Variants in MROH9 observed in about 807,000 individuals in gnomAD.
The protein encoded by MROH9 is maestro heat-like repeat-containing protein family member 9.
MROH9 carries 92 observed loss-of-function variants against 98.2 expected under a neutral mutation model. The ratio of observed to expected loss-of-function variants is 0.94; its 90% CI spans 0.79 to 1.11. The LOEUF (loss-of-function observed/expected upper bound fraction) is 1.11. Among genes scored for constraint, MROH9 ranks in the 50% most tolerant of loss-of-function variants. MROH9 has a pLI of 0.00. For missense variants in MROH9, 1,057 were observed against 1,014.8 expected (o/e 1.04, Z -0.57); for synonymous variants, 397 against 368.9 (o/e 1.08, Z -0.87).
At chr1:170,964,978 T>C (rs1052264429) in intron 6 of MROH9, among the ~76,000 whole-genome samples, 173 bp from the exon 7 acceptor site, 1 of 152,028 alleles carries the variant, frequency 6.6e-6, no homozygotes, top group Non-Finnish European at 1.5e-5. Flanking sequence ...CCATAGTAGA[T>C]GAAGTAGTAT....
intron 15 of MROH9, among the ~76,000 whole-genome samples, chr1:171,013,870 TACATACAC>T (rs765167635): frequency 2.9e-5 from 2 of 68,572 alleles, no homozygotes; most frequent in African/African-American, 6.4e-5. Context: ...AAATGTAAAA[TACATACAC>T]ACACACACAC....
intron 6 of MROH9, 41 bp downstream of exon 6, chr1:170,962,017 C>G (rs780635465): frequency 9.3e-7 from 1 of 1,074,514 alleles, no homozygotes; most frequent in South Asian, 1.6e-5. Flanking sequence ...TGTCATAAGT[C>G]TAGTATGCTC....
intron 10 of MROH9, among the ~76,000 whole-genome samples, chr1:170,988,560 A>G (rs1349015578): frequency 1.3e-5 from 2 of 152,204 alleles, no homozygotes; most frequent in African/African-American, 4.8e-5. Context: ...TGAAATCTCT[A>G]ACCACAGAAA....
intron 7 of MROH9, among the ~76,000 whole-genome samples, chr1:170,966,280 A>G (rs978683359): frequency 1.1e-4 from 16 of 152,122 alleles, no homozygotes; most frequent in African/African-American, 3.9e-4. Flanking sequence ...CATAATCACC[A>G]GTATTTACTG....
Position 170,983,516 on chromosome 1 carries a change from C to T in MROH9, c.711C>T (p.Asp237=), listed in dbSNP as rs377151868. ...VEFLPKEFQQ[D]ESKIAQRVGQ... is the part of the protein sequence containing the mutation. Reference sequence around the variant, plus strand: ...TTCTACCCAAGGAGTTTCAACAAGACGAAAGTAAAATAGCTCAGGTAACTT... The same window carrying T: ...TTCTACCCAAGGAGTTTCAACAAGATGAAAGTAAAATAGCTCAGGTAACTT... The change falls in exon 9 of 22, where the codon GAC becomes GAT. Residue 237 remains aspartate (D), a synonymous_variant. Coordinates refer to ENST00000367759, the MANE Select transcript of MROH9 (RefSeq NM_001163629.2). 94 of 1,609,188 alleles carry T rather than the reference C, an allele frequency of 5.8e-5. No individual in the cohort carries two copies. Among genetic ancestry groups the T allele is most frequent in the Middle Eastern group, 1.6e-4 (1 of 6,072 alleles).
chr1:171,064,145 G>T lies in MROH9; in HGVS notation c.2391G>T (p.Leu797Phe), dbSNP rs763102954. 1.7e-4 allele frequency: 256 copies of T among 1,550,204 alleles called. 1 individual carries two copies. Among genetic ancestry groups the T allele is most frequent in the Admixed American group, 3.9e-4 (20 of 50,684 alleles). The change falls in exon 22 of 22, where the codon TTG becomes TTT. Residue 797 changes from leucine to phenylalanine, a missense_variant. Physicochemically the swap from Leu to Phe is conservative, Grantham distance 22. Coordinates refer to ENST00000367759, the MANE Select transcript of MROH9 (RefSeq NM_001163629.2). ...LRDEDPMIKQ[L>F]AEITYDIFKK... ...ATGAAGACCCTATGATCAAACAGTT[G>T]GCTGAAATAACCTATGATATTTTTA...
intron 15 of MROH9, among the ~76,000 whole-genome samples, chr1:171,012,081 T>C (rs1652174334): frequency 6.6e-6 from 1 of 152,040 alleles, no homozygotes; most frequent in South Asian, 2.1e-4. Flanking sequence ...ATATCTATGT[T>C]ATATATAATT....
Position 170,982,566 on chromosome 1 carries a change from C to G in MROH9, c.617-856C>G, listed in dbSNP as rs1030668500. Among the ~76,000 whole-genome samples the G allele has an allele frequency of 4.6e-5, 7 of 152,102 alleles. No homozygotes were observed. In the South Asian group the frequency reaches 8.3e-4, roughly 18 times the overall value. ...TAATGTTTTACTGAGTGTATAGATA[C>G]ACAAAAACTTGCCAAGTTGTTCACC... On this transcript the variant is annotated intron_variant, in intron 8 of 21. Transcript: ENST00000367759.
intron 8 of MROH9, 102 bp from the exon 9 acceptor site, chr1:170,983,320 G>T: frequency 1.4e-6 from 1 of 736,870 alleles, no homozygotes; most frequent in Non-Finnish European, 2.2e-6. Flanking sequence ...GAAAACTTCA[G>T]ATCTCCAGAA....
intron 20 of MROH9, among the ~76,000 whole-genome samples, chr1:171,036,978 A>G (rs1389849558): frequency 6.6e-6 from 1 of 151,808 alleles, no homozygotes; most frequent in Non-Finnish European, 1.5e-5. Flanking sequence ...GTTTATCTAG[A>G]AGGAGGGGGA....
chr1:171,061,350 T>A (rs1654009676), intron 20 of MROH9, among the ~76,000 whole-genome samples: 1 of 152,016 alleles, frequency 6.6e-6, no homozygotes, highest in Non-Finnish European at 1.5e-5. Flanking sequence ...ACCCGGTAAA[T>A]CCACTAGTTA....
At chr1:171,024,862 C>G in intron 19 of MROH9, 97 bp downstream of exon 19, 1 of 695,554 alleles carries the variant, frequency 1.4e-6, no homozygotes, top group Admixed American at 3.0e-5. Flanking sequence ...AAGAGTGGAT[C>G]TTGGAGGAAA....
intron 20 of MROH9, among the ~76,000 whole-genome samples, chr1:171,060,616 C>T (rs545360824): frequency 1.3e-5 from 2 of 152,260 alleles, no homozygotes; most frequent in South Asian, 2.1e-4. Flanking sequence ...ACACAATTTA[C>T]GTCTAGGTGA....
intron 20 of MROH9, among the ~76,000 whole-genome samples, chr1:171,038,101 C>A (rs113258252): frequency 0.018 from 2,718 of 151,904 alleles, 37 homozygotes; most frequent in Non-Finnish European, 0.028. Context: ...AACGGTATTG[C>A]AAAGCAAAAC....
intron 3 of MROH9, among the ~76,000 whole-genome samples, chr1:170,950,048 G>A (rs1649487098): frequency 6.6e-6 from 1 of 152,020 alleles, no homozygotes; most frequent in Non-Finnish European, 1.5e-5. Context: ...GCCCTGTGGG[G>A]TAAGTACTAC....
rs1649156244 is a variant in MROH9, at chr1:170,942,396, CACACACACACACA to C, written c.-37-3123_-37-3111del. ...ACACACACACACACACACACACACA[CACACACACACACA>C]CCCTCAGAGAATACCGATAATTTTA... On this transcript the variant is annotated intron_variant, in intron 1 of 21. Coordinates refer to ENST00000367759, the MANE Select transcript of MROH9 (RefSeq NM_001163629.2). Among the ~76,000 whole-genome samples, 9 of 151,662 alleles carry C rather than the reference CACACACACACACA, an allele frequency of 5.9e-5. No individual in the cohort carries two copies. In the South Asian group the frequency reaches 1.0e-3, roughly 18 times the overall value.
At position 170,966,721 on chromosome 1, in the gene MROH9, A is replaced by G. The variant is rs529629132; in HGVS notation, c.480+1466A>G. Among the ~76,000 whole-genome samples the G allele has an allele frequency of 8.5e-5, 13 of 152,236 alleles. No individual in the cohort carries two copies. The South Asian group carries it at 2.7e-3, about 32-fold the overall frequency. On this transcript the variant is annotated intron_variant, in intron 7 of 21. Coordinates refer to ENST00000367759, the MANE Select transcript of MROH9 (RefSeq NM_001163629.2). Reference sequence around the variant, plus strand: ...CCTATTTCAGTGTCCCAAAAAAGAGAGTGAGCGGCTTATTTCAATCTTCTG... The same window carrying G: ...CCTATTTCAGTGTCCCAAAAAAGAGGGTGAGCGGCTTATTTCAATCTTCTG...
In MROH9 at chr1:171,039,814, C is replaced by T. The variant is rs74123665; in HGVS notation, c.2281+14394C>T. 5.0e-3 allele frequency among the ~76,000 whole-genome samples: 757 copies of T among 152,056 alleles called. 8 individuals are homozygous for T. The highest frequency in any genetic ancestry group is 0.017 in the African/African-American group (698 of 41,492). On this transcript the variant is annotated intron_variant, in intron 20 of 21. Coordinates refer to ENST00000367759, the MANE Select transcript of MROH9 (RefSeq NM_001163629.2). ...GAAAAGCACACTAATAAAGGACGTC[C>T]CACAAAACAAGTTTTTTTAAAAGCA...
At chr1:171,006,865 T>A (rs890874401) in intron 15 of MROH9, among the ~76,000 whole-genome samples, 7 of 152,106 alleles carry the variant, frequency 4.6e-5, no homozygotes, top group Admixed American at 4.6e-4. Flanking sequence ...ATGCATTGCC[T>A]TTCTAATTTT....
Sources: allele counts gnomAD v4.1 joint callset (sites outside exome capture counted in the v4.1 genomes callset), GRCh38; gene constraint gnomAD v4.1.1; transcripts MANE v1.5; gene names NCBI Gene and HGNC (gene_info 2026-07-23, HGNC 2026-07-21).